Variants in ZNF578 observed in about 807,000 individuals in gnomAD.
The protein encoded by ZNF578 is Putative chemokine-related protein B42.
A neutral mutation model predicts 8.3 loss-of-function variants in ZNF578; 8 were observed. The ratio of observed to expected loss-of-function variants is 0.96; its 90% CI spans 0.56 to 1.74. The LOEUF (loss-of-function observed/expected upper bound fraction) is 1.74. ZNF578 is among the 40% of genes most tolerant of loss of function. ZNF578 has a pLI of 0.00. For missense variants in ZNF578, 726 were observed against 707.5 expected, an observed-to-expected ratio of 1.03 and a Z score of -0.30; for synonymous variants, 206 against 232.2, an observed-to-expected ratio of 0.89 and a Z score of 1.03.
chr19:52,492,976 A>G (rs2059371633), intron 3 of ZNF578: 1 of 152,286 alleles, frequency 6.6e-6, no homozygotes, highest in African/African-American at 2.4e-5. Flanking sequence ...CTTCATTCAC[A>G]TAGAGCAAAT....
At chr19:52,505,356 T>C (rs921578454) in intron 5 of ZNF578, among the ~76,000 whole-genome samples, 43 of 152,264 alleles carry the variant, frequency 2.8e-4, no homozygotes, top group Admixed American at 2.0e-3. Context: ...GGCTGTTGAC[T>C]GAACTCTTGT....
intron 3 of ZNF578, among the ~76,000 whole-genome samples, chr19:52,496,417 C>T (rs996757472): frequency 2.2e-4 from 33 of 147,546 alleles, no homozygotes; most frequent in Non-Finnish European, 3.9e-4. Context: ...GCAAGCTCCG[C>T]CTCCCGGGTT....
intron 3 of ZNF578, among the ~76,000 whole-genome samples, chr19:52,499,302 CAG>C (rs974337975): frequency 3.3e-5 from 5 of 152,178 alleles, no homozygotes; most frequent in Non-Finnish European, 7.4e-5. Flanking sequence ...TGAGCAAAAA[CAG>C]GGGATTAGAC....
intron 3 of ZNF578, among the ~76,000 whole-genome samples, chr19:52,494,789 G>C (rs1242903320): frequency 1.3e-5 from 2 of 151,634 alleles, no homozygotes; most frequent in Non-Finnish European, 2.9e-5. Context: ...GGGCAGTGAT[G>C]TGGAAAAAAA....
At chr19:52,481,577 C>A (rs953902228) in intron 2 of ZNF578, among the ~76,000 whole-genome samples, 1 of 152,130 alleles carries the variant, frequency 6.6e-6, no homozygotes. Context: ...TAAATCTTGG[C>A]ATCAGAGGTT....
chr19:52,480,928 ATAATAATAAT>A (rs2059324312), intron 2 of ZNF578, among the ~76,000 whole-genome samples: 1 of 148,374 alleles, frequency 6.7e-6, no homozygotes, highest in Admixed American at 6.8e-5. Flanking sequence ...AATAATAATA[ATAATAATAAT>A]AATAATAATT....
chr19:52,467,158 A>C (rs2059277804), intron 2 of ZNF578, among the ~76,000 whole-genome samples: 1 of 151,904 alleles, frequency 6.6e-6, no homozygotes, highest in South Asian at 2.1e-4. Flanking sequence ...TTATAGGTGC[A>C]TGACACCACA....
chr19:52,496,800 G>A (rs1355673391), intron 3 of ZNF578, among the ~76,000 whole-genome samples: 1 of 151,658 alleles, frequency 6.6e-6, no homozygotes, highest in African/African-American at 2.4e-5. Flanking sequence ...ACCATGGCCG[G>A]CTAATTTTGT....
Position 52,516,206 on chromosome 19 carries a change from C to T in ZNF578, c.*4052C>T, listed in dbSNP as rs1256479335. Among the ~76,000 whole-genome samples, 1 of 152,198 alleles carries T rather than the reference C, an allele frequency of 6.6e-6. No homozygotes were observed. The highest frequency in any genetic ancestry group is 1.5e-5 in the Non-Finnish European group (1 of 68,040). ...GAGCTCTCTCCCATGCCCTCCCACC[C>T]CTGGTCTCAAGCTCCTGAGCTCAAG... On this transcript the variant is annotated 3_prime_UTR_variant, in exon 6 of 6. Transcript: ENST00000421239.
intron 3 of ZNF578, among the ~76,000 whole-genome samples, chr19:52,494,199 A>C (rs1480036711): frequency 6.6e-6 from 1 of 152,054 alleles, no homozygotes; most frequent in Non-Finnish European, 1.5e-5. Flanking sequence ...GTAATGAAGA[A>C]AGAGTGGCTG....
At chr19:52,502,342 G>A (rs1409208567) in intron 4 of ZNF578, among the ~76,000 whole-genome samples, 1 of 152,168 alleles carries the variant, frequency 6.6e-6, no homozygotes, top group Non-Finnish European at 1.5e-5. Flanking sequence ...GAAAGGAGAC[G>A]AATAAGGAGA....
At chr19:52,467,089 C>T (rs1467621834) in intron 2 of ZNF578, among the ~76,000 whole-genome samples, 1 of 151,650 alleles carries the variant, frequency 6.6e-6, no homozygotes, top group African/African-American at 2.4e-5. Context: ...TGGCTCACTG[C>T]AACCTCTGCC....
At chr19:52,485,183 A>C (rs571967801) in intron 2 of ZNF578, among the ~76,000 whole-genome samples, 1 of 151,900 alleles carries the variant, frequency 6.6e-6, no homozygotes, top group Admixed American at 6.6e-5. Flanking sequence ...CCTCTGGTCT[A>C]TCTTGCTTGT....
At chr19:52,477,024 C>T (rs192250299) in intron 2 of ZNF578, among the ~76,000 whole-genome samples, 1,819 of 152,224 alleles carry the variant, frequency 0.012, 19 homozygotes, top group Middle Eastern at 0.027. Flanking sequence ...AATATATTCT[C>T]CTGGTTCAAA....
At position 52,514,923 on chromosome 19, in the gene ZNF578, T is replaced by C. The variant is rs2059466699; in HGVS notation, c.*2769T>C. On this transcript the variant is annotated 3_prime_UTR_variant, in exon 6 of 6. Transcript: ENST00000421239. ...CGATCCACCCGACTCAGCCTCCCAC[T>C]GTGATGGGATTACAGGCATGAGCTA... Among the ~76,000 whole-genome samples the C allele has an allele frequency of 6.7e-6, 1 of 150,240 alleles. No homozygotes were observed. The highest frequency in any genetic ancestry group is 6.7e-5 in the Admixed American group (1 of 15,022).
chr19:52,476,890 G>C (rs1199775279), intron 2 of ZNF578, among the ~76,000 whole-genome samples: 2 of 152,158 alleles, frequency 1.3e-5, no homozygotes, highest in African/African-American at 4.8e-5. Flanking sequence ...TACACAGGTA[G>C]GTCTATTAGA....
intron 2 of ZNF578, among the ~76,000 whole-genome samples, chr19:52,465,028 G>A (rs2059270178): frequency 6.6e-6 from 1 of 152,096 alleles, no homozygotes; most frequent in African/African-American, 2.4e-5. Context: ...GCCATCTGCC[G>A]GACTTTGTCT....
intron 4 of ZNF578, among the ~76,000 whole-genome samples, chr19:52,503,590 C>T (rs987008220): frequency 5.3e-5 from 8 of 152,108 alleles, no homozygotes; most frequent in Non-Finnish European, 8.8e-5. Flanking sequence ...GTGATCCACT[C>T]ACCTCGGTCT....
chr19:52,493,713 G>C (rs746008629), intron 3 of ZNF578, among the ~76,000 whole-genome samples: 4 of 152,108 alleles, frequency 2.6e-5, no homozygotes, highest in Non-Finnish European at 4.4e-5. Context: ...AATAAGGACC[G>C]GGCGCGGTGG....
Sources: allele counts gnomAD v4.1 joint callset (sites outside exome capture counted in the v4.1 genomes callset), GRCh38; gene constraint gnomAD v4.1.1; transcripts MANE v1.5; gene names NCBI Gene and HGNC (gene_info 2026-07-23, HGNC 2026-07-21).